The following ACTR3 variants were observed in gnomAD, a reference collection of about 807,000 sequenced individuals.
ACTR3 encodes the protein actin-related protein 3.
ACTR3 carries 12 observed loss-of-function variants against 56.8 expected under a neutral mutation model. That is an observed-to-expected ratio of 0.21 (90% CI 0.14 to 0.34). The LOEUF is 0.34. Among genes scored for constraint, ACTR3 ranks in the 10% least tolerant of loss-of-function variants. ACTR3 has a pLI of 1.00. For missense variants in ACTR3, 282 were observed against 512.5 expected, an observed-to-expected ratio of 0.55 and a Z score of 4.34; for synonymous variants, 162 against 167.4, an observed-to-expected ratio of 0.97 and a Z score of 0.25.
chr2:113,955,797 G>GAGTGC, intron 11 of ACTR3, 91 bp downstream of exon 11: 1 of 1,000,350 alleles, frequency 1.0e-6, no homozygotes. Context: ...ACCCAGGCTG[G>GAGTGC]AGTGCAATGG....
At chr2:113,931,672 A>C (rs1431600121) in intron 5 of ACTR3, among the ~76,000 whole-genome samples, 4 of 152,110 alleles carry the variant, frequency 2.6e-5, no homozygotes, top group Non-Finnish European at 5.9e-5. Context: ...TATTTATGGA[A>C]TGCTTTCTCT....
At chr2:113,935,314 C>T (rs1679807124) in intron 6 of ACTR3, among the ~76,000 whole-genome samples, 1 of 152,200 alleles carries the variant, frequency 6.6e-6, no homozygotes, top group African/African-American at 2.4e-5. Flanking sequence ...AGAACATTTT[C>T]ATCACCCTAC....
intron 8 of ACTR3, among the ~76,000 whole-genome samples, chr2:113,948,792 G>C (rs374716936): frequency 2.6e-5 from 4 of 151,902 alleles, no homozygotes; most frequent in Non-Finnish European, 5.9e-5. Flanking sequence ...AGGATATTCA[G>C]ATGTATAGGG....
At chr2:113,944,626 G>C (rs1679984470) in intron 8 of ACTR3, among the ~76,000 whole-genome samples, 1 of 151,048 alleles carries the variant, frequency 6.6e-6, no homozygotes, top group Non-Finnish European at 1.5e-5. Flanking sequence ...GCTGGGCGTG[G>C]TGGTGGGCGC....
chr2:113,907,357 A>G (rs1679214981), intron 1 of ACTR3, among the ~76,000 whole-genome samples: 1 of 152,154 alleles, frequency 6.6e-6, no homozygotes, highest in Non-Finnish European at 1.5e-5. Flanking sequence ...CCATGGCTCA[A>G]GTCATCCTCC....
chr2:113,930,832 C>T (rs1221187070), intron 4 of ACTR3, among the ~76,000 whole-genome samples: 1 of 152,174 alleles, frequency 6.6e-6, no homozygotes, highest in Non-Finnish European at 1.5e-5. Context: ...ACCATTAGAT[C>T]TGTAGAATCT....
Position 113,959,702 on chromosome 2 carries a change from T to TC in ACTR3, c.*2248dup, listed in dbSNP as rs1680292069. Reference sequence around the variant, plus strand: ...TCCTCTGTGATTGTATACCGTTTTTTCAACTTAAAGCAACTTCAGCTGGAA... The same window carrying TC: ...TCCTCTGTGATTGTATACCGTTTTTTCCAACTTAAAGCAACTTCAGCTGGAA... On this transcript the variant is annotated 3_prime_UTR_variant, in exon 12 of 12. Transcript: ENST00000263238. 6.6e-6 allele frequency: 1 copy of TC among 152,050 alleles called. No homozygotes were observed. The highest frequency in any genetic ancestry group is 1.5e-5 in the Non-Finnish European group (1 of 67,912). The allele number at this position is 152,050 out of a possible 1,614,324, so 9.4% of individuals were successfully genotyped here.
chr2:113,943,897 T>G (rs562497660), intron 8 of ACTR3, among the ~76,000 whole-genome samples: 2 of 152,300 alleles, frequency 1.3e-5, no homozygotes, highest in East Asian at 3.9e-4. Context: ...GAGAAGGGGC[T>G]GTGGAGTAGA....
intron 7 of ACTR3, among the ~76,000 whole-genome samples, chr2:113,940,808 T>A (rs1160620848): frequency 6.7e-6 from 1 of 150,308 alleles, no homozygotes; most frequent in African/African-American, 2.5e-5. Flanking sequence ...TTTTAATTTC[T>A]TATTTTTATT....
intron 1 of ACTR3, among the ~76,000 whole-genome samples, chr2:113,895,435 A>G (rs947774906): frequency 6.6e-6 from 1 of 152,164 alleles, no homozygotes; most frequent in Admixed American, 6.5e-5. Flanking sequence ...TCTTTGTTGT[A>G]TGAATGAATG....
At chr2:113,948,115 A>G (rs1241651203) in intron 8 of ACTR3, among the ~76,000 whole-genome samples, 1 of 152,078 alleles carries the variant, frequency 6.6e-6, no homozygotes, top group Non-Finnish European at 1.5e-5. Context: ...CTTAGCTATG[A>G]ATTGCTTGGT....
At chr2:113,935,863 G>T (rs745948978) in intron 6 of ACTR3, among the ~76,000 whole-genome samples, 1 of 152,120 alleles carries the variant, frequency 6.6e-6, no homozygotes, top group Non-Finnish European at 1.5e-5. Flanking sequence ...ATTTGACCTG[G>T]TTCTGCCTTT....
chr2:113,946,597 G>T (rs1680024363), intron 8 of ACTR3, among the ~76,000 whole-genome samples: 1 of 152,078 alleles, frequency 6.6e-6, no homozygotes, highest in Non-Finnish European at 1.5e-5. Flanking sequence ...ATAGATGCTG[G>T]ATATTAGACC....
chr2:113,931,412 C>G lies in ACTR3; in HGVS notation c.432+16C>G. On this transcript the variant is annotated intron_variant, in intron 5 of 11. Coordinates refer to ENST00000263238, the MANE Select transcript of ACTR3 (RefSeq NM_005721.5). ...TGCTGTGCAGGTAAGCAAGTTCATA[C>G]TTTCTAAGTTTGATTCTTACATTTT... The G allele has an allele frequency of 6.6e-7, 1 of 1,505,646 alleles. No homozygotes were observed. Among genetic ancestry groups the G allele is most frequent in the South Asian group, 1.3e-5 (1 of 76,914 alleles). The allele number at this position is 1,505,646 out of a possible 1,614,324, so 93.3% of individuals were successfully genotyped here.
rs1289899621 is a variant in ACTR3, at chr2:113,940,110, G to A, written c.684+8G>A. ...ACTGCTAAGGCAGTAAAGGTAAAAA[G>A]TGTGATAGGAGTGTAATTTAGTTAA... On this transcript the variant is annotated splice_region_variant and intron_variant, in intron 7 of 11. Transcript: ENST00000263238. 6.2e-7 allele frequency: 1 copy of A among 1,606,798 alleles called. No individual in the cohort carries two copies. Among genetic ancestry groups the A allele is most frequent in the African/African-American group, 1.3e-5 (1 of 74,666 alleles).
At position 113,891,339 on chromosome 2, in the gene ACTR3, ATAGTTACTCGTAGATATGTAGGG is replaced by A. The variant is rs566035443; in HGVS notation, c.44+1022_44+1044del. Among the ~76,000 whole-genome samples, 318 of 152,298 alleles carry A rather than the reference ATAGTTACTCGTAGATATGTAGGG, an allele frequency of 2.1e-3. 1 individual carries two copies. Among genetic ancestry groups the A allele is most frequent in the African/African-American group, 7.3e-3 (303 of 41,542 alleles). On this transcript the variant is annotated intron_variant, in intron 1 of 11. Coordinates refer to ENST00000263238, the MANE Select transcript of ACTR3 (RefSeq NM_005721.5). The stretch of plus-strand genomic sequence containing the variant: ...ATATAGGAGGGTGTTTAAGTTGCAA[ATAGTTACTCGTAGATATGTAGGG>A]TAGTTTGCGAAAATGTAGAGTGGCT...
intron 1 of ACTR3, chr2:113,890,658 G>C (rs1410263308): frequency 1.3e-4 from 152 of 1,206,606 alleles, no homozygotes; most frequent in Non-Finnish European, 1.4e-4. Flanking sequence ...GGTGGTCCCC[G>C]GGCCCGACCC....
At chr2:113,947,865 T>G (rs535015756) in intron 8 of ACTR3, among the ~76,000 whole-genome samples, 1 of 152,362 alleles carries the variant, frequency 6.6e-6, no homozygotes, top group Non-Finnish European at 1.5e-5. Context: ...AGCTTTATGT[T>G]CCTTATAAGT....
chr2:113,897,070 C>T (rs2104579971), intron 1 of ACTR3, among the ~76,000 whole-genome samples: 1 of 152,268 alleles, frequency 6.6e-6, no homozygotes, highest in South Asian at 2.1e-4. Context: ...TTTTTTATGA[C>T]ACAACCATAA....
Sources: allele counts gnomAD v4.1 joint callset (sites outside exome capture counted in the v4.1 genomes callset), GRCh38; gene constraint gnomAD v4.1.1; transcripts MANE v1.5; gene names NCBI Gene and HGNC (gene_info 2026-07-23, HGNC 2026-07-21).